GRID2: variants seen among roughly 807,000 people sequenced by gnomAD.
GRID2 encodes glutamate receptor ionotropic, delta-2.
A neutral mutation model predicts 114.8 loss-of-function variants in GRID2; 33 were observed. That is an observed-to-expected ratio of 0.29 (90% CI 0.22 to 0.38). The LOEUF is 0.38. Ranked by LOEUF, GRID2 falls within the 10% of genes least tolerant of loss-of-function variation. The pLI is 1.00. For missense variants in GRID2, 1,184 were observed against 1,257.7 expected (o/e 0.94, Z 0.89); for synonymous variants, 505 against 449.9 (o/e 1.12, Z -1.55).
intron 10 of GRID2, among the ~76,000 whole-genome samples, chr4:93,444,437 G>T (rs1007468594): frequency 1.3e-5 from 2 of 151,934 alleles, no homozygotes; most frequent in Non-Finnish European, 2.9e-5. Context: ...TGATGTTTTT[G>T]TCACTATTGT....
rs922395446 is a variant in GRID2, at chr4:92,445,307, A to C, written c.88+140563A>C. Among the ~76,000 whole-genome samples the C allele has an allele frequency of 3.3e-5, 5 of 152,182 alleles. No homozygotes were observed. In the South Asian group the frequency reaches 1.0e-3, roughly 32 times the overall value. Reference sequence around the variant, plus strand: ...ACAATGTCGTGCTGCTAAACAATTGAGATGCATCATTCCTGACAATCTTTG... The same window carrying C: ...ACAATGTCGTGCTGCTAAACAATTGCGATGCATCATTCCTGACAATCTTTG... On this transcript the variant is annotated intron_variant, in intron 1 of 15. Transcript: ENST00000282020.
chr4:92,786,787 A>G (rs933980871), intron 2 of GRID2, among the ~76,000 whole-genome samples: 2 of 151,892 alleles, frequency 1.3e-5, no homozygotes, highest in African/African-American at 4.8e-5. Context: ...CTTAAAACAG[A>G]CCACAGTTGA....
chr4:92,994,583 C>G (rs146709048), intron 2 of GRID2, among the ~76,000 whole-genome samples: 29 of 152,242 alleles, frequency 1.9e-4, no homozygotes, highest in Admixed American at 5.2e-4. Context: ...CTCGGCCTCC[C>G]AAAGTGCTGA....
chr4:93,606,192 G>A (rs1013297662), intron 13 of GRID2, among the ~76,000 whole-genome samples: 8 of 152,118 alleles, frequency 5.3e-5, no homozygotes, highest in East Asian at 1.9e-4. Flanking sequence ...ACTTTTACCC[G>A]GAAAACAGAG....
chr4:93,724,954 A>G (rs563930217), intron 14 of GRID2, among the ~76,000 whole-genome samples: 59 of 151,376 alleles, frequency 3.9e-4, no homozygotes, highest in African/African-American at 1.4e-3. Flanking sequence ...TAATTTTTGT[A>G]TTTTTTTTAG....
chr4:92,546,805 A>G (rs559897628), intron 1 of GRID2, among the ~76,000 whole-genome samples: 1 of 152,194 alleles, frequency 6.6e-6, no homozygotes, highest in Non-Finnish European at 1.5e-5. Context: ...AATCAGTAGT[A>G]ATTATTAATA....
At chr4:93,075,292 ACT>A (rs1263865661) in intron 2 of GRID2, among the ~76,000 whole-genome samples, 1 of 152,176 alleles carries the variant, frequency 6.6e-6, no homozygotes, top group Non-Finnish European at 1.5e-5. Flanking sequence ...TCCTGAGCAA[ACT>A]CTGTTCTCAG....
chr4:92,840,238 A>G (rs1010733053), intron 2 of GRID2, among the ~76,000 whole-genome samples: 2 of 151,968 alleles, frequency 1.3e-5, no homozygotes, highest in Admixed American at 6.6e-5. Context: ...CTTGTATTCA[A>G]CAGATGCAGA....
intron 1 of GRID2, among the ~76,000 whole-genome samples, chr4:92,558,146 A>G (rs1376434385): frequency 6.6e-6 from 1 of 152,116 alleles, no homozygotes; most frequent in Non-Finnish European, 1.5e-5. Flanking sequence ...CACAGAGGTT[A>G]TCTTATAAAA....
intron 1 of GRID2, among the ~76,000 whole-genome samples, chr4:92,428,129 A>G (rs779118525): frequency 1.0e-3 from 155 of 151,928 alleles, no homozygotes; most frequent in Non-Finnish European, 1.9e-3. Context: ...GGGCGTGGTG[A>G]GGGGTGCCTG....
chr4:93,406,025 AT>A (rs972651892), intron 9 of GRID2, among the ~76,000 whole-genome samples: 4 of 152,076 alleles, frequency 2.6e-5, no homozygotes, highest in Admixed American at 2.0e-4. Context: ...AAGATTATTA[AT>A]TTTTTTCATA....
chr4:92,468,712 G>T (rs1721875881), intron 1 of GRID2, among the ~76,000 whole-genome samples: 1 of 151,972 alleles, frequency 6.6e-6, no homozygotes, highest in African/African-American at 2.4e-5. Context: ...TTTATGCAAG[G>T]CTCCATAAAT....
intron 14 of GRID2, among the ~76,000 whole-genome samples, chr4:93,718,044 A>G (rs1164327105): frequency 5.3e-5 from 8 of 152,204 alleles, no homozygotes; most frequent in Non-Finnish European, 8.8e-5. Flanking sequence ...TCACGAGGTC[A>G]GGAGATCGAG....
At chr4:93,498,342 A>G (rs1392977507) in intron 12 of GRID2, among the ~76,000 whole-genome samples, 2 of 151,832 alleles carry the variant, frequency 1.3e-5, no homozygotes, top group African/African-American at 2.4e-5. Context: ...CTTTTTTATA[A>G]GGAACTAATC....
intron 14 of GRID2, among the ~76,000 whole-genome samples, chr4:93,754,309 T>C (rs1330843541): frequency 6.6e-6 from 1 of 152,156 alleles, no homozygotes; most frequent in Admixed American, 6.6e-5. Context: ...TCTTTTTTCA[T>C]CACAACTACA....
intron 1 of GRID2, among the ~76,000 whole-genome samples, chr4:92,342,333 C>T (rs1727538201): frequency 6.6e-6 from 1 of 151,934 alleles, no homozygotes; most frequent in African/African-American, 2.4e-5. Flanking sequence ...AATTAAAAGT[C>T]CCAAGAGAGA....
intron 1 of GRID2, among the ~76,000 whole-genome samples, chr4:92,415,682 G>A (rs1438135237): frequency 1.4e-5 from 2 of 147,736 alleles, no homozygotes; most frequent in East Asian, 2.0e-4. Flanking sequence ...ATTCCATGGC[G>A]TGTGTATGTG....
chr4:92,735,579 A>T (rs1736552098), intron 2 of GRID2, among the ~76,000 whole-genome samples: 1 of 152,124 alleles, frequency 6.6e-6, no homozygotes. Flanking sequence ...CTTTACGTAA[A>T]GATTTAAGTT....
At chr4:93,270,423 G>A (rs1751323763) in intron 8 of GRID2, among the ~76,000 whole-genome samples, 1 of 151,982 alleles carries the variant, frequency 6.6e-6, no homozygotes, top group Non-Finnish European at 1.5e-5. Context: ...ATTCTCAAAT[G>A]TCCTTACATC....
Sources: gnomAD v4.1 joint callset for allele counts (sites outside exome capture counted in the v4.1 genomes callset) on GRCh38, gnomAD v4.1.1 for gene constraint, MANE v1.5 for transcripts, NCBI Gene and HGNC (gene_info 2026-07-23, HGNC 2026-07-21) for gene names.